EYS: variants seen among roughly 807,000 people sequenced by gnomAD.
EYS encodes protein eyes shut homolog.
Under a neutral mutation model 282.1 loss-of-function variants are expected in EYS, and 250 were observed. The observed-to-expected ratio is 0.89, with a 90% confidence interval of 0.80 to 0.98. EYS has a LOEUF of 0.98. Ranked by LOEUF, EYS falls within the 50% of genes least tolerant of loss-of-function variation. The pLI, the probability that EYS is intolerant of heterozygous loss-of-function variation, is 0.00. For synonymous variants in EYS, 1,355 were observed against 1,282.9 expected, an observed-to-expected ratio of 1.06 and a Z score of -1.20; for missense variants, 4,016 against 3,709.0, an observed-to-expected ratio of 1.08 and a Z score of -2.15.
intron 14 of EYS, among the ~76,000 whole-genome samples, chr6:64,958,758 A>AAG: frequency 6.6e-6 from 1 of 150,386 alleles, no homozygotes; most frequent in Non-Finnish European, 1.5e-5. Flanking sequence ...AAAAAAAAAA[A>AAG]AAAAAGAAAC....
At chr6:65,399,579 T>A (rs1237928354) in intron 7 of EYS, among the ~76,000 whole-genome samples, 1 of 152,088 alleles carries the variant, frequency 6.6e-6, no homozygotes, top group Admixed American at 6.6e-5. Context: ...ATATTTGATT[T>A]TCTTTTAGTA....
At chr6:65,592,610 T>TTAGACATGAGGAAACTA (rs1765269180) in intron 2 of EYS, among the ~76,000 whole-genome samples, 1 of 151,956 alleles carries the variant, frequency 6.6e-6, no homozygotes, top group South Asian at 2.1e-4. Flanking sequence ...CTATTCTCAT[T>TTAGACATGAGGAAACTA]TAGACATGAG....
chr6:65,213,814 C>G (rs1215900946), intron 12 of EYS, among the ~76,000 whole-genome samples: 3 of 152,028 alleles, frequency 2.0e-5, no homozygotes, highest in African/African-American at 7.2e-5. Flanking sequence ...AAGAGTAGTG[C>G]ACCTCTCAGG....
At chr6:63,775,545 G>A (rs1770043273) in intron 40 of EYS, among the ~76,000 whole-genome samples, 1 of 152,154 alleles carries the variant, frequency 6.6e-6, no homozygotes, top group South Asian at 2.1e-4. Flanking sequence ...CTGTCTATAA[G>A]GCTACCTAGA....
chr6:65,007,530 T>C (rs1771719330), intron 13 of EYS, among the ~76,000 whole-genome samples: 1 of 152,106 alleles, frequency 6.6e-6, no homozygotes, highest in Admixed American at 6.5e-5. Flanking sequence ...GTGCCATATG[T>C]ACAAACTTTC....
intron 41 of EYS, among the ~76,000 whole-genome samples, chr6:63,743,575 A>G (rs2149643754): frequency 6.6e-6 from 1 of 152,308 alleles, no homozygotes; most frequent in Non-Finnish European, 1.5e-5. Context: ...TCAAGTTGTC[A>G]GATGGAAGGA....
chr6:64,294,892 G>T (rs552404318), intron 30 of EYS, among the ~76,000 whole-genome samples: 1 of 152,242 alleles, frequency 6.6e-6, no homozygotes, highest in African/African-American at 2.4e-5. Context: ...GAAAAGGGGG[G>T]TATGCATAAT....
chr6:64,636,557 A>AAGC lies in EYS; in HGVS notation c.3444-10315_3444-10313dup, dbSNP rs555393024. ...AAGGACTTCATGTCTAAAACACCAA[A>AAGC]AGCAATGGCAACAAAAGCCAAAATT... is the stretch of plus-strand genomic sequence containing the variant. On this transcript the variant is annotated intron_variant, in intron 22 of 42. Coordinates refer to ENST00000503581, the MANE Select transcript of EYS (RefSeq NM_001142800.2). 2.1e-3 allele frequency among the ~76,000 whole-genome samples: 326 copies of AAGC among 152,278 alleles called. No individual in the cohort carries two copies. In the South Asian group the frequency reaches 0.022, roughly 10 times the overall value.
intron 31 of EYS, among the ~76,000 whole-genome samples, chr6:64,111,878 A>T (rs886876055): frequency 1.2e-4 from 19 of 152,068 alleles, no homozygotes; most frequent in African/African-American, 4.6e-4. Flanking sequence ...ATAAATACCA[A>T]ATACATTCTC....
At chr6:63,823,945 C>G (rs774954583) in intron 36 of EYS, among the ~76,000 whole-genome samples, 1 of 152,134 alleles carries the variant, frequency 6.6e-6, no homozygotes, top group Non-Finnish European at 1.5e-5. Context: ...AGGTTAATCT[C>G]TAGCCTCTTG....
In EYS at chr6:64,638,387, C is replaced by A. The variant is rs1419181054; in HGVS notation, c.3444-12142G>T. Among the ~76,000 whole-genome samples, 10 of 90,874 alleles carry A rather than the reference C, an allele frequency of 1.1e-4. 4 individuals carry two copies. The highest frequency in any genetic ancestry group is 2.4e-4 in the Non-Finnish European group (10 of 42,080). The allele number at this position is 90,874 out of a possible 152,430, so 59.6% of individuals were successfully genotyped here. On this transcript the variant is annotated intron_variant, in intron 22 of 42. Coordinates refer to ENST00000503581, the MANE Select transcript of EYS (RefSeq NM_001142800.2). ...ATAGTGAGAATATGAATTGTATTTA[C>A]AATAGAATACAGAAATTAATAAATT...
intron 5 of EYS, among the ~76,000 whole-genome samples, chr6:65,476,768 G>A (rs113007058): frequency 1.3e-5 from 2 of 151,980 alleles, no homozygotes; most frequent in African/African-American, 4.8e-5. Context: ...GTAGAGACGG[G>A]GTTTCACCAT....
At chr6:65,679,915 A>C (rs1768758025) in intron 1 of EYS, among the ~76,000 whole-genome samples, 1 of 151,920 alleles carries the variant, frequency 6.6e-6, no homozygotes, top group Non-Finnish European at 1.5e-5. Context: ...TCAGAATAAA[A>C]ACTCTGGTAT....
At position 64,860,741 on chromosome 6, in the gene EYS, G is replaced by T. The variant is rs143327119; in HGVS notation, c.2992+25956C>A. Among the ~76,000 whole-genome samples, 262 of 152,314 alleles carry T rather than the reference G, an allele frequency of 1.7e-3. 1 individual carries two copies. Among genetic ancestry groups the T allele is most frequent in the African/African-American group, 6.0e-3 (251 of 41,580 alleles). On this transcript the variant is annotated intron_variant, in intron 19 of 42. Coordinates refer to ENST00000503581, the MANE Select transcript of EYS (RefSeq NM_001142800.2). The stretch of plus-strand genomic sequence containing the variant: ...AGCTCTTTCAGCTCTGCCACTCAGT[G>T]GGTCCTGAGTTCTTGTCCCATGCCC...
intron 36 of EYS, among the ~76,000 whole-genome samples, chr6:63,833,210 T>C (rs1771697007): frequency 6.6e-6 from 1 of 152,174 alleles, no homozygotes; most frequent in African/African-American, 2.4e-5. Context: ...TTGGAAGTTC[T>C]GGCCAGGGCA....
In EYS at chr6:63,810,231, A is replaced by G. The variant is rs1771011085; in HGVS notation, c.7229-3859T>C. On this transcript the variant is annotated intron_variant, in intron 36 of 42. Coordinates refer to ENST00000503581, the MANE Select transcript of EYS (RefSeq NM_001142800.2). ...AGCCGAGATCGCGCCACTGCACTCC[A>G]GCCTGGGAGGCAGAGCGAGATTCCA... Among the ~76,000 whole-genome samples, 4 of 148,034 alleles carry G rather than the reference A, an allele frequency of 2.7e-5. No individual in the cohort carries two copies. In the South Asian group the frequency reaches 9.1e-4, roughly 34 times the overall value.
Position 64,780,564 on chromosome 6 carries a change from G to A in EYS, c.3443+32814C>T, listed in dbSNP as rs149623372. On this transcript the variant is annotated intron_variant, in intron 22 of 42. Coordinates refer to ENST00000503581, the MANE Select transcript of EYS (RefSeq NM_001142800.2). ...TGAGGGTTGAACAATTATCTGTTGG[G>A]TACAATGTTCATTATTGGGCGATGG... is the stretch of plus-strand genomic sequence containing the variant. Among the ~76,000 whole-genome samples, 277 of 152,166 alleles carry A rather than the reference G, an allele frequency of 1.8e-3. 1 individual carries two copies. Among genetic ancestry groups the A allele is most frequent in the African/African-American group, 6.5e-3 (272 of 41,528 alleles).
At chr6:64,849,763 C>T (rs1173183500) in intron 19 of EYS, among the ~76,000 whole-genome samples, 1 of 151,788 alleles carries the variant, frequency 6.6e-6, no homozygotes, top group Non-Finnish European at 1.5e-5. Context: ...CCCTTTGTTG[C>T]TAGAGGCAAC....
intron 22 of EYS, among the ~76,000 whole-genome samples, chr6:64,721,288 G>A (rs576577929): frequency 6.6e-6 from 1 of 152,276 alleles, no homozygotes; most frequent in South Asian, 2.1e-4. Context: ...GCAGGAAAGT[G>A]GGGCTAGGGG....
Sources: gnomAD v4.1 joint callset for allele counts (sites outside exome capture counted in the v4.1 genomes callset) on GRCh38, gnomAD v4.1.1 for gene constraint, MANE v1.5 for transcripts, NCBI Gene and HGNC (gene_info 2026-07-23, HGNC 2026-07-21) for gene names.